Variants in ENTPD1 observed in about 807,000 individuals in gnomAD.
The protein encoded by ENTPD1 is ATP diphosphohydrolase.
In ENTPD1, 33 loss-of-function variants were observed where a neutral mutation model predicts 57.0. The ratio of observed to expected loss-of-function variants is 0.58; its 90% CI spans 0.44 to 0.77. ENTPD1 has a LOEUF of 0.77. ENTPD1 is among the 30% of genes least tolerant of loss of function. The pLI, the probability that ENTPD1 is intolerant of heterozygous loss-of-function variation, is 0.00. For missense variants in ENTPD1, 501 were observed against 603.4 expected (o/e 0.83, Z 1.78); for synonymous variants, 202 against 218.8 (o/e 0.92, Z 0.68).
chr10:95,755,182 A>C (rs1029242317), upstream of ENTPD1: 1 of 152,718 alleles, frequency 6.5e-6, no homozygotes, highest in Non-Finnish European at 1.5e-5. Flanking sequence ...GTGCTGGGGA[A>C]CATGGTAGCA....
chr10:95,797,921 C>G (rs866890123), intron 1 of ENTPD1, among the ~76,000 whole-genome samples: 1 of 152,134 alleles, frequency 6.6e-6, no homozygotes, highest in East Asian at 1.9e-4. Context: ...GGGGAGTTAT[C>G]CTCATAGAGA....
chr10:95,854,313 T>C (rs546508707), intron 7 of ENTPD1, among the ~76,000 whole-genome samples: 143 of 152,342 alleles, frequency 9.4e-4, no homozygotes, highest in Middle Eastern at 6.8e-3. Flanking sequence ...TCTGTTTGAT[T>C]CTTCCCTGTT....
intron 1 of ENTPD1, among the ~76,000 whole-genome samples, chr10:95,784,099 G>GTAC (rs2098168345): frequency 1.0e-5 from 1 of 97,326 alleles, no homozygotes; most frequent in Non-Finnish European, 2.1e-5. Flanking sequence ...TGCTTTGCTT[G>GTAC]TTCTTTTTTT....
At chr10:95,762,841 A>C (rs1398264657) in intron 1 of ENTPD1, among the ~76,000 whole-genome samples, 1 of 152,122 alleles carries the variant, frequency 6.6e-6, no homozygotes, top group Non-Finnish European at 1.5e-5. Flanking sequence ...CATCCCTGAC[A>C]GCTTTGGTGT....
chr10:95,808,818 A>C (rs1023207577), intron 1 of ENTPD1, among the ~76,000 whole-genome samples: 1 of 152,088 alleles, frequency 6.6e-6, no homozygotes, highest in Non-Finnish European at 1.5e-5. Flanking sequence ...GAAGGTCAGC[A>C]GATAAACACG....
intron 1 of ENTPD1, among the ~76,000 whole-genome samples, chr10:95,792,403 G>T (rs2098208558): frequency 6.6e-6 from 1 of 152,232 alleles, no homozygotes; most frequent in African/African-American, 2.4e-5. Flanking sequence ...ACCAGAGGCA[G>T]CAGGCTTTCT....
rs1183621799 is a variant in ENTPD1, at chr10:95,870,957, C to T, written c.*4574C>T. On this transcript the variant is annotated 3_prime_UTR_variant, in exon 10 of 10. Coordinates refer to ENST00000371205, the MANE Select transcript of ENTPD1 (RefSeq NM_001776.6). Reference sequence around the variant, plus strand: ...TGGATCAGACCTATTCCATATACCTCTTGTTCTCCTTGTCCAGTGGTTTCT... The same window carrying T: ...TGGATCAGACCTATTCCATATACCTTTTGTTCTCCTTGTCCAGTGGTTTCT... 3.0e-6 allele frequency: 3 copies of T among 985,442 alleles called. No individual in the cohort carries two copies. The highest frequency in any genetic ancestry group is 3.6e-6 in the Non-Finnish European group (3 of 829,930). The allele number at this position is 985,442 out of a possible 1,614,324, so 61.0% of individuals were successfully genotyped here.
At position 95,866,373 on chromosome 10, in the gene ENTPD1, A is replaced by G; in HGVS notation, c.1523A>G (p.Asp508Gly). ...IFHKPSYFWK[D>G]MV is the part of the protein sequence containing the mutation. Reference sequence around the variant, plus strand: ...CACAAGCCTTCATATTTCTGGAAAGATATGGTATAGCAAAAGCAGCTGAAA... The same window carrying G: ...CACAAGCCTTCATATTTCTGGAAAGGTATGGTATAGCAAAAGCAGCTGAAA... The change falls in exon 10 of 10, where the codon GAT becomes GGT. Residue 508 changes from aspartate (D) to glycine (G), a missense_variant. Coordinates refer to ENST00000371205, the MANE Select transcript of ENTPD1 (RefSeq NM_001776.6). 6.2e-7 allele frequency: 1 copy of G among 1,614,110 alleles called. No individual in the cohort carries two copies. Among genetic ancestry groups the G allele is most frequent in the Non-Finnish European group, 8.5e-7 (1 of 1,180,026 alleles).
In ENTPD1 at chr10:95,717,488, C is replaced by G. The variant is rs2097972857; in HGVS notation, c.37+5495C>G. ...ATCATTGTCCCTCCACCTGTGCTCT[C>G]AGGTGATATATGATTTGACTCTTTC... On this transcript the variant is annotated intron_variant, in intron 1 of 9. Transcript: ENST00000453258. Among the ~76,000 whole-genome samples the G allele has an allele frequency of 1.3e-5, 2 of 152,132 alleles. 1 individual carries two copies. Among genetic ancestry groups the G allele is most frequent in the South Asian group, 4.1e-4 (2 of 4,828 alleles).
Position 95,871,498 on chromosome 10 carries a change from T to C in ENTPD1, c.*5115T>C, listed in dbSNP as rs2098480391. 2 of 985,426 alleles carry C rather than the reference T, an allele frequency of 2.0e-6. No individual in the cohort carries two copies. The highest frequency in any genetic ancestry group is 2.4e-6 in the Non-Finnish European group (2 of 829,904). 61.0% of individuals were successfully genotyped at this position (985,426 alleles called of 1,614,324 possible). A position where few individuals can be genotyped will look rare whatever the true frequency, so the allele number is the denominator to read the frequency against. On this transcript the variant is annotated 3_prime_UTR_variant, in exon 10 of 10. Transcript: ENST00000371205. ...ACGTTTAGGACAATGTATAGCTAATTACCCAACTTTTTATTTGCATACAAA... is the reference window on the plus strand; with the variant it reads ...ACGTTTAGGACAATGTATAGCTAATCACCCAACTTTTTATTTGCATACAAA...
chr10:95,831,050 G>A (rs996688590), intron 2 of ENTPD1, among the ~76,000 whole-genome samples: 11 of 152,206 alleles, frequency 7.2e-5, no homozygotes, highest in African/African-American at 2.7e-4. Flanking sequence ...GGGGTAAGGG[G>A]AGGGGATAAT....
intron 4 of ENTPD1, among the ~76,000 whole-genome samples, 165 bp downstream of exon 4, chr10:95,842,659 T>C (rs1045216849): frequency 2.6e-5 from 4 of 151,832 alleles, no homozygotes; most frequent in Admixed American, 1.3e-4. Flanking sequence ...ATGTTCAAAC[T>C]CTTAGTATAT....
At chr10:95,765,783 A>G (rs1171290336) in intron 1 of ENTPD1, among the ~76,000 whole-genome samples, 1 of 152,206 alleles carries the variant, frequency 6.6e-6, no homozygotes, top group East Asian at 1.9e-4. Context: ...GAATATTGCC[A>G]TCTTAAAAAT....
chr10:95,826,381 T>C (rs1172618595), intron 2 of ENTPD1, among the ~76,000 whole-genome samples: 3 of 151,994 alleles, frequency 2.0e-5, no homozygotes, highest in Non-Finnish European at 4.4e-5. Flanking sequence ...GAGACCACCC[T>C]GGGCAACATG....
At chr10:95,733,527 C>G (rs1743816686) in intron 1 of ENTPD1, among the ~76,000 whole-genome samples, 2 of 152,186 alleles carry the variant, frequency 1.3e-5, no homozygotes, top group South Asian at 4.1e-4. Flanking sequence ...TCCATGAAAT[C>G]TTCACAATTT....
chr10:95,866,513 T>C lies in ENTPD1; in HGVS notation c.*130T>C, dbSNP rs796898928. 6.5e-7 allele frequency: 1 copy of C among 1,533,926 alleles called. No homozygotes were observed. The highest frequency in any genetic ancestry group is 1.2e-5 in the South Asian group (1 of 83,252). On this transcript the variant is annotated 3_prime_UTR_variant, in exon 10 of 10. Coordinates refer to ENST00000371205, the MANE Select transcript of ENTPD1 (RefSeq NM_001776.6). ...CAGTCTTGACGAGTGTGAAGCTTCC[T>C]TGGCTTTTACTGAAGCCTTTCTTTT...
Position 95,805,294 on chromosome 10 carries a change from A to G in ENTPD1, c.17-17943A>G, listed in dbSNP as rs1156564801. Reference sequence around the variant, plus strand: ...TTGTTGGTTTAAAGTCTGTTTTACAAGAGACTAGGATTGCAACCCCTCCTT... The same window carrying G: ...TTGTTGGTTTAAAGTCTGTTTTACAGGAGACTAGGATTGCAACCCCTCCTT... On this transcript the variant is annotated intron_variant, in intron 1 of 9. Coordinates refer to ENST00000371205, the MANE Select transcript of ENTPD1 (RefSeq NM_001776.6). Among the ~76,000 whole-genome samples, 3 of 151,976 alleles carry G rather than the reference A, an allele frequency of 2.0e-5. No individual in the cohort carries two copies. The East Asian group carries it at 5.8e-4, about 29-fold the overall frequency.
Position 95,875,881 on chromosome 10 carries a change from C to T in ENTPD1, c.*9498C>T. 3.0e-6 allele frequency: 2 copies of T among 677,700 alleles called. No individual in the cohort carries two copies. Among genetic ancestry groups the T allele is most frequent in the Non-Finnish European group, 3.6e-6 (2 of 549,074 alleles). 42.0% of individuals were successfully genotyped at this position (677,700 alleles called of 1,614,324 possible). A position where few individuals can be genotyped will look rare whatever the true frequency, so the allele number is the denominator to read the frequency against. On this transcript the variant is annotated 3_prime_UTR_variant, in exon 10 of 10. Coordinates refer to ENST00000371205, the MANE Select transcript of ENTPD1 (RefSeq NM_001776.6). Reference sequence around the variant, plus strand: ...ATGGGAAAGACCAGCCCCCTTGATTCAATTACCTCCCCCTGGGTCCTGTGG... The same window carrying T: ...ATGGGAAAGACCAGCCCCCTTGATTTAATTACCTCCCCCTGGGTCCTGTGG...
chr10:95,782,788 G>T (rs2098163002), intron 1 of ENTPD1, among the ~76,000 whole-genome samples: 1 of 152,040 alleles, frequency 6.6e-6, no homozygotes, highest in South Asian at 2.1e-4. Flanking sequence ...TTTTTGAATT[G>T]ATTCTCTAAA....
Sources: allele counts gnomAD v4.1 joint callset (sites outside exome capture counted in the v4.1 genomes callset), GRCh38; gene constraint gnomAD v4.1.1; transcripts MANE v1.5; gene names NCBI Gene and HGNC (gene_info 2026-07-23, HGNC 2026-07-21).